PCDH9: variants seen among roughly 807,000 people sequenced by gnomAD.
PCDH9 encodes the protein protocadherin 9.
A neutral mutation model predicts 70.6 loss-of-function variants in PCDH9; 24 were observed. The observed-to-expected ratio is 0.34, with a 90% confidence interval of 0.25 to 0.48. The LOEUF is 0.48. Ranked by LOEUF, PCDH9 falls within the 20% of genes least tolerant of loss-of-function variation. The pLI is 0.99. For missense variants in PCDH9, 1,281 were observed against 1,503.6 expected (o/e 0.85, Z 2.45); for synonymous variants, 562 against 558.5 (o/e 1.01, Z -0.09).
chr13:66,550,402 C>T (rs1409317509), intron 4 of PCDH9, among the ~76,000 whole-genome samples: 1 of 152,070 alleles, frequency 6.6e-6, no homozygotes, highest in Non-Finnish European at 1.5e-5. Context: ...AATATCTCTT[C>T]CCAATTACCC....
At chr13:66,454,490 C>T (rs959549677) in intron 4 of PCDH9, among the ~76,000 whole-genome samples, 6 of 152,166 alleles carry the variant, frequency 3.9e-5, no homozygotes, top group African/African-American at 1.4e-4. Context: ...GGCAGCAGTG[C>T]TGAGGAGAGA....
chr13:66,542,590 C>T (rs1013673765), intron 4 of PCDH9, among the ~76,000 whole-genome samples: 3 of 151,298 alleles, frequency 2.0e-5, no homozygotes, highest in Non-Finnish European at 4.4e-5. Flanking sequence ...CTCCTACAAT[C>T]GTGTGAGCCT....
chr13:66,738,247 G>A (rs939342124), intron 3 of PCDH9, among the ~76,000 whole-genome samples: 65 of 150,870 alleles, frequency 4.3e-4, no homozygotes, highest in African/African-American at 1.6e-3. Flanking sequence ...CACCTCACAC[G>A]GCAGGGTATT....
intron 2 of PCDH9, among the ~76,000 whole-genome samples, chr13:66,979,079 G>A (rs147076165): frequency 1.2e-4 from 18 of 152,086 alleles, no homozygotes; most frequent in East Asian, 7.7e-4. Context: ...AAGACATGAC[G>A]TTTTGTTTTG....
intron 3 of PCDH9, among the ~76,000 whole-genome samples, chr13:66,649,294 A>G (rs2077816419): frequency 6.6e-6 from 1 of 152,174 alleles, no homozygotes; most frequent in Non-Finnish European, 1.5e-5. Flanking sequence ...AGGATAAAGA[A>G]AGGATCTAAA....
intron 2 of PCDH9, chr13:67,001,917 T>C (rs141079783): frequency 2.6e-5 from 4 of 152,360 alleles, no homozygotes; most frequent in African/African-American, 9.6e-5. Context: ...CTTATTGATG[T>C]TTCCTCACAG....
intron 2 of PCDH9, among the ~76,000 whole-genome samples, chr13:67,004,576 G>C (rs1360693711): frequency 2.7e-5 from 4 of 149,298 alleles, no homozygotes; most frequent in African/African-American, 9.8e-5. Flanking sequence ...AAGAAAGAAA[G>C]AAAGAAAGAA....
At chr13:66,858,882 CACTT>C in intron 3 of PCDH9, 1 of 152,296 alleles carries the variant, frequency 6.6e-6, no homozygotes, top group South Asian at 2.1e-4. Context: ...TGACAACAGA[CACTT>C]AATGCCTCAT....
intron 3 of PCDH9, among the ~76,000 whole-genome samples, chr13:66,817,528 A>G (rs1191730563): frequency 6.6e-6 from 1 of 152,188 alleles, no homozygotes; most frequent in Non-Finnish European, 1.5e-5. Context: ...TTTTTATAAA[A>G]TATCATTGTA....
At chr13:66,353,583 T>C (rs1018740319) in intron 4 of PCDH9, among the ~76,000 whole-genome samples, 5 of 152,188 alleles carry the variant, frequency 3.3e-5, no homozygotes, top group African/African-American at 1.2e-4. Flanking sequence ...CTAATTATTC[T>C]GTATACCTTT....
At chr13:66,815,930 A>T (rs771697528) in intron 3 of PCDH9, among the ~76,000 whole-genome samples, 6 of 152,220 alleles carry the variant, frequency 3.9e-5, no homozygotes, top group Admixed American at 1.3e-4. Context: ...TTAAAAAAAT[A>T]ACCAGCTTCA....
intron 3 of PCDH9, among the ~76,000 whole-genome samples, chr13:66,772,797 TA>T (rs2079828762): frequency 6.6e-6 from 1 of 152,136 alleles, no homozygotes; most frequent in Non-Finnish European, 1.5e-5. Context: ...AGCAAAGCAT[TA>T]CAAAGCATAC....
intron 4 of PCDH9, among the ~76,000 whole-genome samples, chr13:66,356,707 T>A (rs1175204691): frequency 6.6e-6 from 1 of 152,124 alleles, no homozygotes; most frequent in Non-Finnish European, 1.5e-5. Context: ...AATGACTACT[T>A]CTTAAAAGGA....
intron 2 of PCDH9, among the ~76,000 whole-genome samples, chr13:67,089,755 C>G (rs145329698): frequency 6.6e-6 from 1 of 152,086 alleles, no homozygotes; most frequent in East Asian, 1.9e-4. Flanking sequence ...TTTTCACTTA[C>G]GTTCACCTGC....
chr13:67,160,032 C>T (rs1280886036), intron 2 of PCDH9, among the ~76,000 whole-genome samples: 1 of 152,086 alleles, frequency 6.6e-6, no homozygotes, highest in Non-Finnish European at 1.5e-5. Context: ...TCCAGCTCAG[C>T]GACATTCTGA....
intron 3 of PCDH9, among the ~76,000 whole-genome samples, chr13:66,785,953 C>T (rs1265043070): frequency 6.6e-6 from 1 of 152,040 alleles, no homozygotes; most frequent in East Asian, 1.9e-4. Context: ...TATAATACTG[C>T]TATAAAACAA....
At chr13:66,978,688 T>C (rs2083672684) in intron 2 of PCDH9, among the ~76,000 whole-genome samples, 2 of 149,480 alleles carry the variant, frequency 1.3e-5, no homozygotes, top group South Asian at 2.1e-4. Flanking sequence ...TAAGAATATA[T>C]ATATTATATA....
chr13:66,555,000 T>G (rs1029647222), intron 4 of PCDH9, among the ~76,000 whole-genome samples: 1 of 151,956 alleles, frequency 6.6e-6, no homozygotes, highest in African/African-American at 2.4e-5. Flanking sequence ...AGAAACCCCA[T>G]CTCTACTAAA....
chr13:66,817,688 G>A (rs2080633082), intron 3 of PCDH9, among the ~76,000 whole-genome samples: 1 of 151,944 alleles, frequency 6.6e-6, no homozygotes, highest in Admixed American at 6.6e-5. Context: ...GGAATGCAGT[G>A]GCTTGATGTC....
Sources: gnomAD v4.1 joint callset for allele counts (sites outside exome capture counted in the v4.1 genomes callset) on GRCh38, gnomAD v4.1.1 for gene constraint, MANE v1.5 for transcripts, NCBI Gene and HGNC (gene_info 2026-07-23, HGNC 2026-07-21) for gene names.